Variants in MSRA observed in about 807,000 individuals in gnomAD.
MSRA encodes mitochondrial peptide methionine sulfoxide reductase.
A neutral mutation model predicts 31.3 loss-of-function variants in MSRA; 54 were observed. That is an observed-to-expected ratio of 1.73 (90% CI 1.39 to 2.17). The LOEUF (loss-of-function observed/expected upper bound fraction) is 2.17, where lower values mean the gene tolerates loss of function less well. Ranked by LOEUF, MSRA falls within the 30% of genes most tolerant of loss-of-function variation. The pLI is 0.00. For synonymous variants in MSRA, 169 were observed against 116.5 expected (o/e 1.45, Z -2.90); for missense variants, 507 against 300.9 (o/e 1.69, Z -5.07).
intron 1 of MSRA, among the ~76,000 whole-genome samples, chr8:10,146,522 G>A (rs1255438009): frequency 6.6e-6 from 1 of 152,132 alleles, no homozygotes; most frequent in Non-Finnish European, 1.5e-5. Context: ...CGAGGGCTGG[G>A]GGTTTCGAGG....
intron 3 of MSRA, among the ~76,000 whole-genome samples, chr8:10,259,371 C>G (rs190831455): frequency 3.3e-5 from 5 of 152,248 alleles, no homozygotes; most frequent in African/African-American, 4.8e-5. Context: ...AAACAGAATG[C>G]AGTTACAAGA....
At chr8:10,176,881 G>C (rs1211238610) in intron 1 of MSRA, among the ~76,000 whole-genome samples, 1 of 152,162 alleles carries the variant, frequency 6.6e-6, no homozygotes, top group Non-Finnish European at 1.5e-5. Context: ...TCAATAACCT[G>C]TATCATTCTT....
At chr8:10,176,792 C>A (rs1040913206) in intron 1 of MSRA, among the ~76,000 whole-genome samples, 7 of 152,194 alleles carry the variant, frequency 4.6e-5, no homozygotes, top group African/African-American at 1.4e-4. Flanking sequence ...AGTCCCCACC[C>A]AGGGCTCCTG....
At chr8:10,151,642 T>C (rs922516640) in intron 1 of MSRA, among the ~76,000 whole-genome samples, 3 of 152,168 alleles carry the variant, frequency 2.0e-5, no homozygotes, top group South Asian at 2.1e-4. Flanking sequence ...AGAGTGAGAC[T>C]GTGTCTCAAA....
At chr8:10,369,854 A>C (rs1805379967) in intron 5 of MSRA, among the ~76,000 whole-genome samples, 1 of 152,222 alleles carries the variant, frequency 6.6e-6, no homozygotes, top group African/African-American at 2.4e-5. Context: ...GTTTCAAAGC[A>C]CTATTATATA....
chr8:10,230,420 C>G (rs1465080745), intron 2 of MSRA, among the ~76,000 whole-genome samples: 1 of 152,114 alleles, frequency 6.6e-6, no homozygotes, highest in African/African-American at 2.4e-5. Context: ...GGCCATAGGA[C>G]AAAGGTTCAG....
At chr8:10,286,025 G>C (rs1258124083) in intron 3 of MSRA, among the ~76,000 whole-genome samples, 3 of 152,090 alleles carry the variant, frequency 2.0e-5, no homozygotes, top group Non-Finnish European at 4.4e-5. Flanking sequence ...TCTTGGTGCA[G>C]GCATGTCAGA....
intron 4 of MSRA, among the ~76,000 whole-genome samples, chr8:10,307,146 G>A (rs1233201125): frequency 2.0e-5 from 3 of 149,600 alleles, no homozygotes; most frequent in Admixed American, 6.8e-5. Context: ...TCCTGACTAG[G>A]AAGACCTCTT....
At chr8:10,143,427 G>A (rs1033161983) in intron 1 of MSRA, among the ~76,000 whole-genome samples, 8 of 152,116 alleles carry the variant, frequency 5.3e-5, no homozygotes, top group South Asian at 4.1e-4. Context: ...TTTCAGCCCC[G>A]TTACTATGGT....
chr8:10,410,842 A>G (rs1246352740), intron 5 of MSRA, among the ~76,000 whole-genome samples: 1 of 152,226 alleles, frequency 6.6e-6, no homozygotes, highest in Non-Finnish European at 1.5e-5. Context: ...ATGCAAATTT[A>G]AATTGTATAA....
At chr8:10,063,844 A>G (rs1797328932) in intron 1 of MSRA, among the ~76,000 whole-genome samples, 1 of 152,206 alleles carries the variant, frequency 6.6e-6, no homozygotes, top group Non-Finnish European at 1.5e-5. Flanking sequence ...GTAAATTGTT[A>G]TAGCAGTCTG....
chr8:10,194,606 C>G (rs746892347), intron 1 of MSRA, among the ~76,000 whole-genome samples: 3 of 152,134 alleles, frequency 2.0e-5, no homozygotes, highest in Non-Finnish European at 4.4e-5. Flanking sequence ...GGGACTGCAG[C>G]CCAATTTTGT....
At chr8:10,228,093 G>C (rs776471441) in intron 2 of MSRA, among the ~76,000 whole-genome samples, 1 of 152,174 alleles carries the variant, frequency 6.6e-6, no homozygotes, top group Non-Finnish European at 1.5e-5. Flanking sequence ...GTCTGGGAAT[G>C]TGTGTCCGTG....
chr8:10,419,777 T>C (rs1227570235), intron 5 of MSRA, among the ~76,000 whole-genome samples: 1 of 152,202 alleles, frequency 6.6e-6, no homozygotes, highest in Non-Finnish European at 1.5e-5. Flanking sequence ...TCTAGCTCTC[T>C]TGCCATCAGG....
intron 5 of MSRA, among the ~76,000 whole-genome samples, chr8:10,425,857 C>T (rs1809125740): frequency 6.6e-6 from 1 of 152,226 alleles, no homozygotes; most frequent in Non-Finnish European, 1.5e-5. Flanking sequence ...TTGGATACAG[C>T]TGTAAGAGAT....
intron 3 of MSRA, among the ~76,000 whole-genome samples, chr8:10,285,843 TTAAA>T (rs1300623241): frequency 1.3e-5 from 2 of 152,242 alleles, no homozygotes; most frequent in Non-Finnish European, 2.9e-5. Context: ...TAAAACAAAA[TTAAA>T]TATTAATTTT....
intron 5 of MSRA, among the ~76,000 whole-genome samples, chr8:10,328,503 T>C (rs1406067179): frequency 1.3e-5 from 2 of 152,086 alleles, no homozygotes; most frequent in East Asian, 3.9e-4. Context: ...CTCTCCATGA[T>C]TATGACCACC....
chr8:10,111,908 C>G (rs957414879), intron 1 of MSRA, among the ~76,000 whole-genome samples: 1 of 152,144 alleles, frequency 6.6e-6, no homozygotes, highest in Non-Finnish European at 1.5e-5. Context: ...CAAGTGGGGA[C>G]CAGCTGGTCC....
intron 5 of MSRA, among the ~76,000 whole-genome samples, chr8:10,346,243 C>T (rs890825789): frequency 6.6e-6 from 1 of 152,186 alleles, no homozygotes; most frequent in Non-Finnish European, 1.5e-5. Flanking sequence ...ATTCACTGAA[C>T]CTAGTCCTGA....
Sources: gnomAD v4.1 joint callset for allele counts (sites outside exome capture counted in the v4.1 genomes callset) on GRCh38, gnomAD v4.1.1 for gene constraint, MANE v1.5 for transcripts, NCBI Gene and HGNC (gene_info 2026-07-23, HGNC 2026-07-21) for gene names.